PLXDC2: variants seen among roughly 807,000 people sequenced by gnomAD.
The protein encoded by PLXDC2 is plexin domain-containing protein 2.
PLXDC2 carries 40 observed loss-of-function variants against 68.9 expected under a neutral mutation model. That is an observed-to-expected ratio of 0.58 (90% CI 0.45 to 0.76). The LOEUF (loss-of-function observed/expected upper bound fraction) is 0.76, where lower values mean the gene tolerates loss of function less well. Ranked by LOEUF, PLXDC2 falls within the 30% of genes least tolerant of loss-of-function variation. The probability of loss-of-function intolerance (pLI) is 0.00; values close to 1 mark genes in which losing one functional copy is unlikely to be tolerated. For missense variants in PLXDC2, 644 were observed against 661.9 expected, an observed-to-expected ratio of 0.97 and a Z score of 0.30; for synonymous variants, 243 against 234.2, an observed-to-expected ratio of 1.04 and a Z score of -0.34.
chr10:20,109,466 A>G (rs1439378225), intron 4 of PLXDC2, among the ~76,000 whole-genome samples: 1 of 151,312 alleles, frequency 6.6e-6, no homozygotes, highest in Non-Finnish European at 1.5e-5. Context: ...AAACTGATAC[A>G]TTACATTATA....
chr10:20,020,215 T>G (rs1171117971), intron 2 of PLXDC2, among the ~76,000 whole-genome samples: 1 of 135,846 alleles, frequency 7.4e-6, no homozygotes, highest in Non-Finnish European at 1.6e-5. Flanking sequence ...AGAGGTTGTC[T>G]TATTATGTTA....
At chr10:20,175,423 T>C (rs543365158) in intron 7 of PLXDC2, among the ~76,000 whole-genome samples, 1 of 152,346 alleles carries the variant, frequency 6.6e-6, no homozygotes, top group Non-Finnish European at 1.5e-5. Context: ...GGCTCACACC[T>C]GTAATCTCAA....
At chr10:20,074,073 G>T (rs1469794523) in intron 4 of PLXDC2, among the ~76,000 whole-genome samples, 1 of 152,042 alleles carries the variant, frequency 6.6e-6, no homozygotes, top group African/African-American at 2.4e-5. Flanking sequence ...TAGACAGATG[G>T]TGGTTCTTAA....
At chr10:19,929,004 T>C (rs11011684) in intron 1 of PLXDC2, among the ~76,000 whole-genome samples, 146,952 of 151,674 alleles carry the variant, frequency 0.97, 71,223 homozygotes, top group East Asian at 1. Context: ...ATTCGCCCAC[T>C]TCGGCCTCCC....
intron 1 of PLXDC2, among the ~76,000 whole-genome samples, chr10:19,886,960 A>G (rs1313131223): frequency 2.6e-5 from 4 of 152,176 alleles, no homozygotes; most frequent in African/African-American, 7.2e-5. Flanking sequence ...ATTTCACTGT[A>G]TACTTGTGAT....
chr10:20,159,607 C>T (rs540833726), intron 6 of PLXDC2, among the ~76,000 whole-genome samples: 47 of 152,270 alleles, frequency 3.1e-4, no homozygotes, highest in African/African-American at 1.1e-3. Context: ...TGCTCAAAAC[C>T]TCCCAAATCT....
chr10:19,914,997 C>T (rs972266970), intron 1 of PLXDC2, among the ~76,000 whole-genome samples: 1 of 152,042 alleles, frequency 6.6e-6, no homozygotes, highest in African/African-American at 2.4e-5. Flanking sequence ...TTCATACTAC[C>T]TCTATCAATA....
intron 1 of PLXDC2, among the ~76,000 whole-genome samples, chr10:19,944,840 C>T (rs1589549501): frequency 6.6e-6 from 1 of 151,998 alleles, no homozygotes; most frequent in Non-Finnish European, 1.5e-5. Flanking sequence ...TAATCCCAGC[C>T]ACTCGGGAGG....
At chr10:20,169,438 C>A (rs1336710384) in intron 7 of PLXDC2, among the ~76,000 whole-genome samples, 4 of 152,132 alleles carry the variant, frequency 2.6e-5, no homozygotes, top group African/African-American at 9.7e-5. Flanking sequence ...TCCATAATTT[C>A]TTGGTAAATA....
At chr10:20,089,345 C>T (rs1833246286) in intron 4 of PLXDC2, among the ~76,000 whole-genome samples, 1 of 152,014 alleles carries the variant, frequency 6.6e-6, no homozygotes, top group Non-Finnish European at 1.5e-5. Flanking sequence ...CAAGAGTGGG[C>T]TTGTGGTAGG....
At chr10:20,046,131 A>C (rs1360403475) in intron 2 of PLXDC2, among the ~76,000 whole-genome samples, 1 of 152,184 alleles carries the variant, frequency 6.6e-6, no homozygotes, top group Admixed American at 6.5e-5. Context: ...AAAGAAAAGA[A>C]GTTTGAATTT....
At chr10:20,104,744 A>C (rs1833467971) in intron 4 of PLXDC2, among the ~76,000 whole-genome samples, 1 of 151,978 alleles carries the variant, frequency 6.6e-6, no homozygotes, top group Admixed American at 6.6e-5. Flanking sequence ...CAATGTTGCC[A>C]ACTCTAACAT....
intron 1 of PLXDC2, among the ~76,000 whole-genome samples, chr10:19,889,605 A>G (rs914129641): frequency 3.3e-5 from 5 of 152,148 alleles, no homozygotes; most frequent in African/African-American, 7.2e-5. Flanking sequence ...TCCTTTCCCT[A>G]TCTGTGGCCT....
At chr10:20,278,538 A>T (rs2119396920) in intron 13 of PLXDC2, among the ~76,000 whole-genome samples, 1 of 152,302 alleles carries the variant, frequency 6.6e-6, no homozygotes, top group South Asian at 2.1e-4. Context: ...CTTAATCAGC[A>T]AATAAATTTA....
chr10:19,867,739 C>T (rs1384668453), intron 1 of PLXDC2, among the ~76,000 whole-genome samples: 1 of 152,024 alleles, frequency 6.6e-6, no homozygotes, highest in Non-Finnish European at 1.5e-5. Context: ...TCTTCAAATT[C>T]CTCTCTCACT....
chr10:19,851,408 A>G (rs1353915128), intron 1 of PLXDC2, among the ~76,000 whole-genome samples: 2 of 151,976 alleles, frequency 1.3e-5, no homozygotes, highest in Non-Finnish European at 2.9e-5. Flanking sequence ...CCTGCAACTT[A>G]CCCCTCCTCA....
Position 20,245,442 on chromosome 10 carries a change from C to T in PLXDC2, c.1410C>T (p.Ala470=), listed in dbSNP as rs757582917. ...ILILVLIVAT[A]ILVTVYMYHH... ...TCCTGGTCCTCATTGTAGCCACAGC[C>T]ATTCTTGTGACAGTCTATATGTATC... Residue 470 remains alanine (A), a synonymous_variant, in exon 13 of 14, where the codon GCC becomes GCT. Coordinates refer to ENST00000377252, the MANE Select transcript of PLXDC2 (RefSeq NM_032812.9). 17 of 1,613,558 alleles carry T rather than the reference C, an allele frequency of 1.1e-5. No individual in the cohort carries two copies. The highest frequency in any genetic ancestry group is 1.3e-5 in the Non-Finnish European group (15 of 1,179,936).
intron 12 of PLXDC2, among the ~76,000 whole-genome samples, chr10:20,227,438 G>T (rs2131874254): frequency 1.3e-5 from 2 of 152,250 alleles, no homozygotes; most frequent in East Asian, 3.9e-4. Flanking sequence ...GAGAAGAAAA[G>T]AATTTCAGGA....
intron 4 of PLXDC2, among the ~76,000 whole-genome samples, chr10:20,142,388 A>G (rs12355163): frequency 0.26 from 39,562 of 152,016 alleles, 5,806 homozygotes; most frequent in East Asian, 0.5. Context: ...TCTTAGATTA[A>G]TATTAAAATT....
Sources: allele counts gnomAD v4.1 joint callset (sites outside exome capture counted in the v4.1 genomes callset), GRCh38; gene constraint gnomAD v4.1.1; transcripts MANE v1.5; gene names NCBI Gene and HGNC (gene_info 2026-07-23, HGNC 2026-07-21).